The following GRID2 variants were observed in gnomAD, a reference collection of about 807,000 sequenced individuals.
GRID2 encodes glutamate ionotropic receptor delta type subunit 2.
Under a neutral mutation model 114.8 loss-of-function variants are expected in GRID2, and 33 were observed. That is an observed-to-expected ratio of 0.29 (90% CI 0.22 to 0.38). The LOEUF is 0.38. Among genes scored for constraint, GRID2 ranks in the 10% least tolerant of loss-of-function variants. GRID2 has a pLI of 1.00. For synonymous variants in GRID2, 505 were observed against 449.9 expected (o/e 1.12, Z -1.55); for missense variants, 1,184 against 1,257.7 (o/e 0.94, Z 0.89).
chr4:92,690,133 G>A (rs1474106948), intron 2 of GRID2, among the ~76,000 whole-genome samples: 1 of 151,708 alleles, frequency 6.6e-6, no homozygotes, highest in Admixed American at 6.6e-5. Context: ...CCTAGTTTTG[G>A]CCTCTCTCTG....
chr4:92,599,487 C>T (rs916490680), intron 2 of GRID2, among the ~76,000 whole-genome samples: 1 of 152,060 alleles, frequency 6.6e-6, no homozygotes, highest in South Asian at 2.1e-4. Flanking sequence ...CATTTCATTG[C>T]AATTATACAT....
At chr4:93,653,141 A>T (rs1421883302) in intron 14 of GRID2, among the ~76,000 whole-genome samples, 1 of 152,170 alleles carries the variant, frequency 6.6e-6, no homozygotes, top group African/African-American at 2.4e-5. Context: ...GAGAGATGAT[A>T]CCAACCTAAA....
intron 14 of GRID2, among the ~76,000 whole-genome samples, chr4:93,632,228 CCATT>C (rs554150947): frequency 1.3e-5 from 2 of 152,206 alleles, no homozygotes; most frequent in African/African-American, 4.8e-5. Flanking sequence ...TAATGAGATC[CCATT>C]TGTCAGTTTT....
intron 4 of GRID2, among the ~76,000 whole-genome samples, chr4:93,174,776 G>A (rs899936195): frequency 6.6e-6 from 1 of 152,102 alleles, no homozygotes; most frequent in Admixed American, 6.6e-5. Context: ...ATAAATTTCT[G>A]TTGTTTATGC....
chr4:92,563,995 ATTC>A (rs913228652), intron 1 of GRID2, among the ~76,000 whole-genome samples: 5 of 152,020 alleles, frequency 3.3e-5, no homozygotes, highest in African/African-American at 1.2e-4. Context: ...CTTAAACTAT[ATTC>A]TTCTACATAA....
intron 8 of GRID2, among the ~76,000 whole-genome samples, chr4:93,315,364 G>A (rs1163427147): frequency 6.6e-6 from 1 of 152,020 alleles, no homozygotes; most frequent in Non-Finnish European, 1.5e-5. Context: ...ATTTTATAAT[G>A]GAAAGTTTAT....
chr4:93,658,707 G>A (rs3928465), intron 14 of GRID2, among the ~76,000 whole-genome samples: 1 of 152,128 alleles, frequency 6.6e-6, no homozygotes, highest in East Asian at 1.9e-4. Flanking sequence ...TAGTTCTCTA[G>A]AGAATGAATG....
chr4:92,799,426 A>G (rs955875982), intron 2 of GRID2, among the ~76,000 whole-genome samples: 2 of 152,004 alleles, frequency 1.3e-5, no homozygotes, highest in African/African-American at 4.8e-5. Context: ...CCTGGCTTAA[A>G]CAATAGAAAT....
intron 2 of GRID2, among the ~76,000 whole-genome samples, chr4:92,701,758 G>A (rs548735118): frequency 8.4e-4 from 127 of 152,084 alleles, no homozygotes; most frequent in African/African-American, 2.9e-3. Flanking sequence ...TAGACTTTTG[G>A]CATATGATTT....
At chr4:93,689,659 A>G (rs1242438996) in intron 14 of GRID2, among the ~76,000 whole-genome samples, 1 of 152,038 alleles carries the variant, frequency 6.6e-6, no homozygotes, top group African/African-American at 2.4e-5. Context: ...ACTGAGACTC[A>G]AGCATTGGTA....
chr4:92,943,176 G>A (rs1751312275), intron 2 of GRID2, among the ~76,000 whole-genome samples: 1 of 152,126 alleles, frequency 6.6e-6, no homozygotes, highest in Non-Finnish European at 1.5e-5. Context: ...TTCCAGCTGG[G>A]TTCCATTCTC....
At position 92,709,589 on chromosome 4, in the gene GRID2, A is replaced by AAT. The variant is rs1553919235; in HGVS notation, c.244+119322_244+119323dup. Among the ~76,000 whole-genome samples, 918 of 114,574 alleles carry AAT rather than the reference A, an allele frequency of 8.0e-3. 19 individuals are homozygous for AAT. The highest frequency in any genetic ancestry group is 0.024 in the African/African-American group (696 of 29,106). The allele number at this position is 114,574 out of a possible 152,430, so 75.2% of individuals were successfully genotyped here. On this transcript the variant is annotated intron_variant, in intron 2 of 15. Coordinates refer to ENST00000282020, the MANE Select transcript of GRID2 (RefSeq NM_001510.4). ...AGTGTAGAGAAAAAAAAAAAAAAAA[A>AAT]ATATATATATATATATATATGTAAT...
chr4:93,612,832 G>A (rs1260426247), intron 13 of GRID2, among the ~76,000 whole-genome samples: 3 of 113,008 alleles, frequency 2.7e-5, no homozygotes, highest in African/African-American at 1.0e-4. Flanking sequence ...GGCGTTCTCT[G>A]TATTTCCTGA....
intron 2 of GRID2, among the ~76,000 whole-genome samples, chr4:93,044,129 T>C (rs1725897286): frequency 6.6e-6 from 1 of 152,070 alleles, no homozygotes; most frequent in African/African-American, 2.4e-5. Context: ...CAAACCTCAC[T>C]CATCAAGACT....
intron 1 of GRID2, among the ~76,000 whole-genome samples, chr4:92,309,158 T>G (rs946783457): frequency 6.6e-6 from 1 of 152,022 alleles, no homozygotes. Flanking sequence ...TTTGATTTAT[T>G]AAAAAATAAA....
At chr4:93,041,437 C>A (rs1725505477) in intron 2 of GRID2, among the ~76,000 whole-genome samples, 1 of 152,124 alleles carries the variant, frequency 6.6e-6, no homozygotes, top group African/African-American at 2.4e-5. Context: ...TCAACTGTCA[C>A]TGGTTTCAAG....
chr4:93,166,838 C>T (rs1190066962), intron 4 of GRID2, among the ~76,000 whole-genome samples: 1 of 152,084 alleles, frequency 6.6e-6, no homozygotes, highest in Admixed American at 6.6e-5. Context: ...CTCTGATTCT[C>T]GTGAGTCTGC....
chr4:93,099,695 A>G (rs1022522597), intron 3 of GRID2, among the ~76,000 whole-genome samples: 1 of 151,872 alleles, frequency 6.6e-6, no homozygotes, highest in East Asian at 1.9e-4. Flanking sequence ...TTTTCAAACT[A>G]GAGTCAGTAC....
chr4:93,456,995 T>C (rs1181709254), intron 11 of GRID2, among the ~76,000 whole-genome samples: 1 of 152,188 alleles, frequency 6.6e-6, no homozygotes, highest in Non-Finnish European at 1.5e-5. Flanking sequence ...ACACTTTTAG[T>C]TCTTTCATTA....
Sources: gnomAD v4.1 joint callset for allele counts (sites outside exome capture counted in the v4.1 genomes callset) on GRCh38, gnomAD v4.1.1 for gene constraint, MANE v1.5 for transcripts, NCBI Gene and HGNC (gene_info 2026-07-23, HGNC 2026-07-21) for gene names.